Variants in TDRD12 observed in about 807,000 individuals in gnomAD.
The protein encoded by TDRD12 is tudor domain containing 12, also known as putative ATP-dependent RNA helicase TDRD12.
TDRD12 carries 158 observed loss-of-function variants against 133.5 expected under a neutral mutation model. The observed-to-expected ratio is 1.18, with a 90% CI of 1.04 to 1.35. The LOEUF is 1.35. Ranked by LOEUF, TDRD12 falls within the 40% of genes most tolerant of loss-of-function variation. TDRD12 has a pLI of 0.00. For synonymous variants in TDRD12, 460 were observed against 477.9 expected (o/e 0.96, Z 0.49); for missense variants, 1,443 against 1,321.3 (o/e 1.09, Z -1.43).
downstream of TDRD12, chr19:32,826,204 T>A: frequency 1.3e-6 from 2 of 1,515,876 alleles, no homozygotes; most frequent in Non-Finnish European, 1.8e-6. Context: ...CCTTACCCAG[T>A]TAATAAGATC....
At chr19:32,808,056 T>A (rs1370882172) in intron 22 of TDRD12, among the ~76,000 whole-genome samples, 1 of 152,160 alleles carries the variant, frequency 6.6e-6, no homozygotes, top group Non-Finnish European at 1.5e-5. Flanking sequence ...AGATCTTGTC[T>A]CTACAAACAG....
intron 11 of TDRD12, among the ~76,000 whole-genome samples, chr19:32,788,144 A>G (rs1440363635): frequency 6.6e-6 from 1 of 151,094 alleles, no homozygotes; most frequent in Non-Finnish European, 1.5e-5. Flanking sequence ...TTTTTTTGAA[A>G]TGGAGTCTCG....
chr19:32,773,025 A>G (rs893929401), intron 9 of TDRD12, among the ~76,000 whole-genome samples, 175 bp downstream of exon 9: 5 of 152,194 alleles, frequency 3.3e-5, no homozygotes, highest in African/African-American at 1.2e-4. Flanking sequence ...TTGAAAGGAG[A>G]AAGTAGCTCC....
chr19:32,819,352 T>C (rs911846424), intron 27 of TDRD12, among the ~76,000 whole-genome samples: 1 of 151,786 alleles, frequency 6.6e-6, no homozygotes, highest in Admixed American at 6.6e-5. Context: ...CATAGTATGA[T>C]CTAAAGTTTT....
At chr19:32,790,693 A>T in intron 12 of TDRD12, 102 bp downstream of exon 12, 1 of 1,551,376 alleles carries the variant, frequency 6.4e-7, no homozygotes, top group Non-Finnish European at 8.7e-7. Flanking sequence ...TAGAAGAGAA[A>T]CTCCTTAGAT....
chr19:32,764,826 G>C (rs192652904), intron 8 of TDRD12, among the ~76,000 whole-genome samples: 1 of 152,118 alleles, frequency 6.6e-6, no homozygotes, highest in Admixed American at 6.5e-5. Context: ...CTCTAGGCAT[G>C]GGCAAGGACT....
At chr19:32,744,520 A>C (rs796316769) in intron 4 of TDRD12, among the ~76,000 whole-genome samples, 5 of 150,982 alleles carry the variant, frequency 3.3e-5, no homozygotes, top group South Asian at 2.1e-4. Flanking sequence ...AAAAAAAAAA[A>C]AAAACAAAAG....
intron 8 of TDRD12, among the ~76,000 whole-genome samples, chr19:32,759,499 C>T (rs1282502132): frequency 6.6e-6 from 1 of 151,948 alleles, no homozygotes; most frequent in East Asian, 1.9e-4. Context: ...CAGCCTCAAC[C>T]TCCTGGCCTC....
downstream of TDRD12, among the ~76,000 whole-genome samples, chr19:32,824,661 T>A (rs1347609869): frequency 2.0e-5 from 3 of 152,206 alleles, no homozygotes; most frequent in Admixed American, 2.0e-4. Flanking sequence ...TTATGTCTCC[T>A]GTCACATGTC....
At chr19:32,777,377 G>T in intron 11 of TDRD12, 148 bp downstream of exon 11, 2 of 541,310 alleles carry the variant, frequency 3.7e-6, no homozygotes, top group Non-Finnish European at 5.9e-6. Flanking sequence ...TAGGGTTTGA[G>T]GTTAATTTTT....
In TDRD12 at chr19:32,818,060, G is replaced by T. The variant is rs1196424015; in HGVS notation, c.3315-29G>T. 5.7e-6 allele frequency: 4 copies of T among 702,410 alleles called. No individual in the cohort carries two copies. In the Middle Eastern group the frequency reaches 9.2e-4, roughly 161 times the overall value. 43.5% of individuals were successfully genotyped at this position (702,410 alleles called of 1,614,324 possible). On this transcript the variant is annotated intron_variant, in intron 26 of 27. Transcript: ENST00000444215. The stretch of plus-strand genomic sequence containing the variant: ...GCTCCACAGATGCACATGATTATTT[G>T]CAAATGAAGTCTGCTCTGCTTTCTC...
At chr19:32,732,230 C>CCAGACCT (rs1164024877) in intron 2 of TDRD12, among the ~76,000 whole-genome samples, 1 of 152,174 alleles carries the variant, frequency 6.6e-6, no homozygotes, top group Non-Finnish European at 1.5e-5. Flanking sequence ...GTCTCGAACT[C>CCAGACCT]CAGACCTCAG....
At chr19:32,826,659 A>C in intron 9 of TDRD12, 24 bp from the exon 32 acceptor site, 2 of 1,228,592 alleles carry the variant, frequency 1.6e-6, no homozygotes, top group Non-Finnish European at 2.0e-6. Flanking sequence ...TCACGCGCTC[A>C]CTGTCAGCTG....
At chr19:32,772,045 T>A (rs916592702) in intron 8 of TDRD12, among the ~76,000 whole-genome samples, 1 of 152,166 alleles carries the variant, frequency 6.6e-6, no homozygotes, top group Admixed American at 6.6e-5. Context: ...GAATTCGGAA[T>A]GGGCATGGCA....
At chr19:32,741,238 C>T (rs1456146849) in intron 3 of TDRD12, among the ~76,000 whole-genome samples, 4 of 152,172 alleles carry the variant, frequency 2.6e-5, no homozygotes, top group South Asian at 2.1e-4. Context: ...TGTGCCACCA[C>T]GTCCAGCTAA....
intron 22 of TDRD12, among the ~76,000 whole-genome samples, chr19:32,809,315 A>T (rs900403658): frequency 2.0e-5 from 3 of 152,080 alleles, no homozygotes; most frequent in Non-Finnish European, 4.4e-5. Flanking sequence ...CGCTTGTTGC[A>T]CTGGCTGAGC....
Position 32,827,280 on chromosome 19 carries a change from C to T in TDRD12, c.*114C>T, listed in dbSNP as rs1168167544. On this transcript the variant is annotated 3_prime_UTR_variant, in exon 10 of 10. Coordinates refer to the TDRD12 transcript ENST00000637289. ...AGAAGGTGAATGACGTCCTCAAGAG[C>T]GGCTGGAAGATGTTGAACAAAAATG... The T allele has an allele frequency of 9.8e-6, 12 of 1,227,656 alleles. No individual in the cohort carries two copies. The Admixed American group carries it at 3.4e-4, about 35-fold the overall frequency. The allele number at this position is 1,227,656 out of a possible 1,614,324, so 76.0% of individuals were successfully genotyped here. A position where few individuals can be genotyped will look rare whatever the true frequency, so the allele number is the denominator to read the frequency against.
At chr19:32,751,770 G>C (rs1022090494) in intron 6 of TDRD12, among the ~76,000 whole-genome samples, 9 of 152,174 alleles carry the variant, frequency 5.9e-5, no homozygotes, top group African/African-American at 1.7e-4. Flanking sequence ...TGTTGCCCAG[G>C]CTGGTCTCAA....
intron 23 of TDRD12, among the ~76,000 whole-genome samples, chr19:32,810,847 AT>A (rs1880653367): frequency 6.6e-6 from 1 of 152,146 alleles, no homozygotes; most frequent in Non-Finnish European, 1.5e-5. Flanking sequence ...AGCTATGATC[AT>A]GCCACTGCAC....
Sources: allele counts gnomAD v4.1 joint callset (sites outside exome capture counted in the v4.1 genomes callset), GRCh38; gene constraint gnomAD v4.1.1; transcripts MANE v1.5; gene names NCBI Gene and HGNC (gene_info 2026-07-23, HGNC 2026-07-21).